AGAP1: variants seen among roughly 807,000 people sequenced by gnomAD.
AGAP1 encodes ArfGAP with GTPase domain, ankyrin repeat and PH domain 1.
AGAP1 carries 29 observed loss-of-function variants against 105.3 expected under a neutral mutation model. The ratio of observed to expected loss-of-function variants is 0.28; its 90% CI spans 0.21 to 0.38. AGAP1 has a LOEUF of 0.38. Ranked by LOEUF, AGAP1 falls within the 10% of genes least tolerant of loss-of-function variation. The pLI, the probability that AGAP1 is intolerant of heterozygous loss-of-function variation, is 1.00. For missense variants in AGAP1, 998 were observed against 1,165.1 expected (o/e 0.86, Z 2.09); for synonymous variants, 509 against 485.9 (o/e 1.05, Z -0.63).
rs773667228 is a variant in AGAP1, at chr2:235,919,928, C to T, written c.1325-10837C>T. ...GTGGCCAAGACAAGCCGTACGATGG[C>T]GCTCTCCATAAACACTGTCGGAATC... On this transcript the variant is annotated intron_variant, in intron 11 of 17. Coordinates refer to ENST00000304032, the MANE Select transcript of AGAP1 (RefSeq NM_001037131.3). This position sits in a 1 kb window ranked among gnomAD's most constrained non-coding sequence, Gnocchi z 4.1. Among the ~76,000 whole-genome samples, 11 of 152,180 alleles carry T rather than the reference C, an allele frequency of 7.2e-5. No individual in the cohort carries two copies. Among genetic ancestry groups the T allele is most frequent in the Non-Finnish European group, 1.2e-4 (8 of 68,036 alleles).
chr2:235,632,894 A>T (rs6739965), intron 1 of AGAP1, among the ~76,000 whole-genome samples: 5,471 of 152,300 alleles, frequency 0.036, 271 homozygotes, highest in African/African-American at 0.11. Flanking sequence ...TAATTGTTTT[A>T]GAAGAAGGTT....
At chr2:235,548,839 C>T (rs1428855931) in intron 1 of AGAP1, among the ~76,000 whole-genome samples, 1 of 152,142 alleles carries the variant, frequency 6.6e-6, no homozygotes, top group Non-Finnish European at 1.5e-5. Flanking sequence ...TGCTCTGGGA[C>T]GTGGGTTAGC....
chr2:235,605,900 G>A (rs796524497), intron 1 of AGAP1, among the ~76,000 whole-genome samples: 18 of 152,318 alleles, frequency 1.2e-4, no homozygotes, highest in African/African-American at 4.3e-4. Flanking sequence ...GTGTGGTGGT[G>A]AACAGCACTC....
At position 235,864,957 on chromosome 2, in the gene AGAP1, A is replaced by G. The variant is rs1288398438; in HGVS notation, c.1051-18388A>G. Reference sequence around the variant, plus strand: ...ATCTCGTCGGCATTACTCATCGTCAACATGGGTTTTTAAAAGGGAAGGAGA... The same window carrying G: ...ATCTCGTCGGCATTACTCATCGTCAGCATGGGTTTTTAAAAGGGAAGGAGA... On this transcript the variant is annotated intron_variant, in intron 9 of 17. Coordinates refer to ENST00000304032, the MANE Select transcript of AGAP1 (RefSeq NM_001037131.3). The surrounding 1 kb of genome is among the most constrained non-coding windows in gnomAD (Gnocchi z 5.0). 2.6e-5 allele frequency among the ~76,000 whole-genome samples: 4 copies of G among 152,186 alleles called. No homozygotes were observed. The highest frequency in any genetic ancestry group is 4.4e-5 in the Non-Finnish European group (3 of 68,040).
intron 3 of AGAP1, among the ~76,000 whole-genome samples, chr2:235,722,996 A>C (rs2149573054): frequency 6.6e-6 from 1 of 152,302 alleles, no homozygotes; most frequent in Non-Finnish European, 1.5e-5. Flanking sequence ...AGGTTAGAGA[A>C]GCTTGGTTTA....
At position 235,951,393 on chromosome 2, in the gene AGAP1, C is replaced by T. The variant is rs1311840844; in HGVS notation, c.1484-17069C>T. Among the ~76,000 whole-genome samples the T allele has an allele frequency of 3.9e-5, 6 of 152,326 alleles. No homozygotes were observed. The highest frequency in any genetic ancestry group is 1.9e-4 in the East Asian group (1 of 5,186). On this transcript the variant is annotated intron_variant, in intron 12 of 17. Coordinates refer to ENST00000304032, the MANE Select transcript of AGAP1 (RefSeq NM_001037131.3). The surrounding 1 kb of genome is among the most constrained non-coding windows in gnomAD (Gnocchi z 4.2). ...GATTATGGACAATGCTGTCAGTCAT[C>T]GTGAGACAGAGTAGCATGGAACTGA...
chr2:235,541,113 A>G (rs1183625498), intron 1 of AGAP1, among the ~76,000 whole-genome samples: 1 of 152,228 alleles, frequency 6.6e-6, no homozygotes, highest in Non-Finnish European at 1.5e-5. Flanking sequence ...AAAACAGTTA[A>G]ACGCAGTAGC....
chr2:235,652,821 A>G (rs1675581648), intron 1 of AGAP1, among the ~76,000 whole-genome samples: 1 of 151,546 alleles, frequency 6.6e-6, no homozygotes, highest in Non-Finnish European at 1.5e-5. Flanking sequence ...GATCAGGGGC[A>G]GGGAGCAGGG....
In AGAP1 at chr2:236,005,553, T is replaced by C. The variant is rs1165659033; in HGVS notation, c.1646-31008T>C. Among the ~76,000 whole-genome samples, 2 of 152,248 alleles carry C rather than the reference T, an allele frequency of 1.3e-5. No homozygotes were observed. Among genetic ancestry groups the C allele is most frequent in the Non-Finnish European group, 2.9e-5 (2 of 68,044 alleles). On this transcript the variant is annotated intron_variant, in intron 13 of 17. Transcript: ENST00000304032. This position sits in a 1 kb window ranked among gnomAD's most constrained non-coding sequence, Gnocchi z 4.1. The stretch of plus-strand genomic sequence containing the variant: ...CACTTTATTTGCATCTCTTTAGCTT[T>C]AACCTCATGCCGTGTCTCTGTTCCA...
rs1185855767 is a variant in AGAP1 at position 235,967,739 on chromosome 2, G to A, written c.1484-723G>A. 6.6e-6 allele frequency among the ~76,000 whole-genome samples: 1 copy of A among 152,200 alleles called. No homozygotes were observed. The highest frequency in any genetic ancestry group is 6.5e-5 in the Admixed American group (1 of 15,280). On this transcript the variant is annotated intron_variant, in intron 12 of 17. Transcript: ENST00000304032. The surrounding 1 kb of genome is among the most constrained non-coding windows in gnomAD (Gnocchi z 4.7). ...TGAATTATATGCGCGTTCTGGTCAT[G>A]TAGTACCGCTTTGGCCTTCTCTTTG...
rs2059688697 is a variant in AGAP1, at chr2:236,113,014, T to C, written c.2115-7178T>C. Among the ~76,000 whole-genome samples the C allele has an allele frequency of 6.6e-6, 1 of 152,276 alleles. No individual in the cohort carries two copies. Among genetic ancestry groups the C allele is most frequent in the Admixed American group, 6.5e-5 (1 of 15,292 alleles). On this transcript the variant is annotated intron_variant, in intron 16 of 17. Coordinates refer to ENST00000304032, the MANE Select transcript of AGAP1 (RefSeq NM_001037131.3). This position sits in a 1 kb window ranked among gnomAD's most constrained non-coding sequence, Gnocchi z 4.3. ...CTAGGCTCTCCACTGTTTTTCCCCT[T>C]TTGAAACTTGCAATAAAATCTACCT...
At position 236,090,490 on chromosome 2, in the gene AGAP1, T is replaced by G. The variant is rs2059030183; in HGVS notation, c.2115-29702T>G. 6.6e-6 allele frequency among the ~76,000 whole-genome samples: 1 copy of G among 152,120 alleles called. No individual in the cohort carries two copies. The highest frequency in any genetic ancestry group is 1.5e-5 in the Non-Finnish European group (1 of 68,018). ...ATTTCCAAATGTGCCCCAAAGAGAC[T>G]GTGAAGGGAGGGAACAGAGGCATGG... On this transcript the variant is annotated intron_variant, in intron 16 of 17. Coordinates refer to ENST00000304032, the MANE Select transcript of AGAP1 (RefSeq NM_001037131.3). The surrounding 1 kb of genome is among the most constrained non-coding windows in gnomAD (Gnocchi z 4.3).
At chr2:235,766,513 AATAAG>A (rs1201846608) in intron 6 of AGAP1, among the ~76,000 whole-genome samples, 1 of 152,260 alleles carries the variant, frequency 6.6e-6, no homozygotes, top group African/African-American at 2.4e-5. Context: ...TTAGACCTGT[AATAAG>A]ATACACTCCG....
rs1183226209 is a variant in AGAP1, at chr2:235,724,528, C to T, written c.310+6884C>T. Among the ~76,000 whole-genome samples, 4 of 152,124 alleles carry T rather than the reference C, an allele frequency of 2.6e-5. No homozygotes were observed. The highest frequency in any genetic ancestry group is 9.7e-5 in the African/African-American group (4 of 41,414). ...GCAGCTCTTTCACTCAGGAGCCTGC[C>T]AGCGTAGGGCAGGGGAAGTCAGTGC... is the stretch of plus-strand genomic sequence containing the variant. On this transcript the variant is annotated intron_variant, in intron 3 of 17. Transcript: ENST00000304032. This position sits in a 1 kb window ranked among gnomAD's most constrained non-coding sequence, Gnocchi z 4.9.
intron 9 of AGAP1, among the ~76,000 whole-genome samples, chr2:235,826,785 C>T (rs1023537075): frequency 1.3e-5 from 2 of 152,112 alleles, no homozygotes; most frequent in African/African-American, 4.8e-5. Context: ...CATTAGCCAC[C>T]CTGAGAGTTT....
At chr2:235,937,614 G>A (rs1466367502) in intron 12 of AGAP1, among the ~76,000 whole-genome samples, 1 of 152,230 alleles carries the variant, frequency 6.6e-6, no homozygotes, top group Non-Finnish European at 1.5e-5. Flanking sequence ...GGATATTGTT[G>A]CTAGTTGCTG....
In AGAP1 at chr2:235,728,012, C is replaced by T. The variant is rs978042016; in HGVS notation, c.310+10368C>T. 2.0e-5 allele frequency among the ~76,000 whole-genome samples: 3 copies of T among 152,182 alleles called. No homozygotes were observed. Among genetic ancestry groups the T allele is most frequent in the African/African-American group, 4.8e-5 (2 of 41,430 alleles). On this transcript the variant is annotated intron_variant, in intron 3 of 17. Transcript: ENST00000304032. This position sits in a 1 kb window ranked among gnomAD's most constrained non-coding sequence, Gnocchi z 4.3. Reference sequence around the variant, plus strand: ...CAGCACCGATTAGAGCTGGGATTGCCTCTCGCAACTCCCCAAAGAAAATGC... The same window carrying T: ...CAGCACCGATTAGAGCTGGGATTGCTTCTCGCAACTCCCCAAAGAAAATGC...
chr2:235,504,950 C>T (rs1941731373), intron 1 of AGAP1, among the ~76,000 whole-genome samples: 1 of 152,176 alleles, frequency 6.6e-6, no homozygotes, highest in South Asian at 2.1e-4. Flanking sequence ...AAATCCCTCA[C>T]CAGGAAGAGG....
rs1171103707 is a variant in AGAP1 at position 235,891,460 on chromosome 2, A to C, written c.1155+8011A>C. On this transcript the variant is annotated intron_variant, in intron 10 of 17. Coordinates refer to ENST00000304032, the MANE Select transcript of AGAP1 (RefSeq NM_001037131.3). The surrounding 1 kb of genome is among the most constrained non-coding windows in gnomAD (Gnocchi z 4.2). Reference sequence around the variant, plus strand: ...GGTGGATCGAGGGCAGCCTGTTCTAAGACCCTGAGAGTCCCTTTCTGTGGA... The same window carrying C: ...GGTGGATCGAGGGCAGCCTGTTCTACGACCCTGAGAGTCCCTTTCTGTGGA... Among the ~76,000 whole-genome samples the C allele has an allele frequency of 6.6e-6, 1 of 152,164 alleles. No individual in the cohort carries two copies. The highest frequency in any genetic ancestry group is 1.5e-5 in the Non-Finnish European group (1 of 68,032).
Sources: gnomAD v4.1 joint callset for allele counts (sites outside exome capture counted in the v4.1 genomes callset) on GRCh38, gnomAD v4.1.1 for gene constraint, Gnocchi (gnomAD v3.1) non-coding constraint, MANE v1.5 for transcripts, NCBI Gene and HGNC (gene_info 2026-07-23, HGNC 2026-07-21) for gene names.